The following AMER2 variants were observed in gnomAD, a reference collection of about 807,000 sequenced individuals.
The protein encoded by AMER2 is family with sequence similarity 123A.
AMER2 carries 1 observed loss-of-function variant against 4.7 expected under a neutral mutation model. The observed-to-expected ratio is 0.21, with a 90% CI of 0.07 to 1.00. AMER2 has a LOEUF of 1.00. Among genes scored for constraint, AMER2 ranks in the 50% least tolerant of loss-of-function variants. AMER2 has a pLI of 0.60. For synonymous variants in AMER2, 485 were observed against 433.3 expected (o/e 1.12, Z -1.48); for missense variants, 988 against 966.9 (o/e 1.02, Z -0.29).
chr13:25,170,044 C>A lies in AMER2; in HGVS notation c.1576G>T (p.Asp526Tyr), dbSNP rs1956534210. 2 of 1,613,828 alleles carry A rather than the reference C, an allele frequency of 1.2e-6. No homozygotes were observed. Among genetic ancestry groups the A allele is most frequent in the East Asian group, 4.5e-5 (2 of 44,874 alleles). Residue 526 changes from aspartate to tyrosine, a missense_variant, in exon 1 of 1, where the codon GAC (aspartate) becomes TAC (tyrosine). Coordinates refer to ENST00000515384, the MANE Select transcript of AMER2 (RefSeq NM_152704.4). This position sits in a 1 kb window ranked among gnomAD's most constrained non-coding sequence, Gnocchi z 7.3. The stretch of plus-strand genomic sequence containing the variant: ...TCCTCTGGGCCTGGCGTGGTGGAGT[C>A]CCAGTAGCCCTCGTCGCTGTTGGGG... ...GVPNSDEGYW[D>Y]STTPGPEEDS...
rs763524108 is a variant in AMER2 at position 25,171,661 on chromosome 13, C to T, written c.-42G>A. On this transcript the variant is annotated 5_prime_UTR_variant, in exon 1 of 1. Coordinates refer to ENST00000515384, the MANE Select transcript of AMER2 (RefSeq NM_152704.4). The surrounding 1 kb of genome is among the most constrained non-coding windows in gnomAD (Gnocchi z 5.9). ...AAGCCGCTTTCGTCAGCAGTGGGCTCGCGCCAGGCCACTGTCACCCGTATT... is the reference window on the plus strand; with the variant it reads ...AAGCCGCTTTCGTCAGCAGTGGGCTTGCGCCAGGCCACTGTCACCCGTATT... 1.0e-5 allele frequency: 15 copies of T among 1,436,354 alleles called. No individual in the cohort carries two copies. In the East Asian group the frequency reaches 3.4e-4, roughly 32 times the overall value. 89.0% of individuals were successfully genotyped at this position (1,436,354 alleles called of 1,614,324 possible).
chr13:25,171,743 G>T lies in AMER2; in HGVS notation c.-124C>A, dbSNP rs1235865346. 1.4e-6 allele frequency: 2 copies of T among 1,403,732 alleles called. No individual in the cohort carries two copies. The highest frequency in any genetic ancestry group is 1.8e-6 in the Non-Finnish European group (2 of 1,088,800). 87.0% of individuals were successfully genotyped at this position (1,403,732 alleles called of 1,614,324 possible). The stretch of plus-strand genomic sequence containing the variant: ...CGCTGCAAAAGAAACACACATAAAA[G>T]ACCATCTTCCCTCCCGCAAGGGCTT... On this transcript the variant is annotated 5_prime_UTR_variant, in exon 1 of 1. Coordinates refer to ENST00000515384, the MANE Select transcript of AMER2 (RefSeq NM_152704.4). This position sits in a 1 kb window ranked among gnomAD's most constrained non-coding sequence, Gnocchi z 5.9.
In AMER2 at chr13:25,170,953, C is replaced by A. The variant is rs915118590; in HGVS notation, c.667G>T (p.Gly223Cys). ...EAAEGRAPGG[G>C]LILPGSLTAS... ...GTGAGCGAGCCGGGTAGGATCAAGCCGCCCCCGGGCGCGCGCCCCTCCGCG... is the reference window on the plus strand; with the variant it reads ...GTGAGCGAGCCGGGTAGGATCAAGCAGCCCCCGGGCGCGCGCCCCTCCGCG... The change falls in exon 1 of 1, where the codon GGC becomes TGC. Residue 223 changes from glycine (G) to cysteine (C), a missense_variant. Gly to Cys is a radical substitution (Grantham distance 159). Transcript: ENST00000515384. This position sits in a 1 kb window ranked among gnomAD's most constrained non-coding sequence, Gnocchi z 7.3. The A allele has an allele frequency of 2.0e-6, 3 of 1,532,266 alleles. No individual in the cohort carries two copies. Among genetic ancestry groups the A allele is most frequent in the Non-Finnish European group, 2.6e-6 (3 of 1,143,992 alleles). 94.9% of individuals were successfully genotyped at this position (1,532,266 alleles called of 1,614,324 possible).
chr13:25,170,972 C>A lies in AMER2; in HGVS notation c.648G>T (p.Glu216Asp). 2 of 1,548,744 alleles carry A rather than the reference C, an allele frequency of 1.3e-6. No homozygotes were observed. The highest frequency in any genetic ancestry group is 2.3e-5 in the South Asian group (2 of 85,178). The change falls in exon 1 of 1, where the codon GAG becomes GAT. Residue 216 changes from glutamate (E) to aspartate (D), a missense_variant. Coordinates refer to ENST00000515384, the MANE Select transcript of AMER2 (RefSeq NM_152704.4). This position sits in a 1 kb window ranked among gnomAD's most constrained non-coding sequence, Gnocchi z 7.3. ...KDKRAKAEAA[E>D]GRAPGGGLIL... Reference sequence around the variant, plus strand: ...TCAAGCCGCCCCCGGGCGCGCGCCCCTCCGCGGCCTCCGCCTTGGCCCGCT... The same window carrying A: ...TCAAGCCGCCCCCGGGCGCGCGCCCATCCGCGGCCTCCGCCTTGGCCCGCT...
In AMER2 at chr13:25,164,806, T is replaced by C. The variant is rs1956458532; in HGVS notation, c.*4798A>G. The C allele has an allele frequency of 6.6e-6, 1 of 152,238 alleles. No homozygotes were observed. Among genetic ancestry groups the C allele is most frequent in the African/African-American group, 2.4e-5 (1 of 41,444 alleles). 9.4% of individuals were successfully genotyped at this position (152,238 alleles called of 1,614,324 possible). A position where few individuals can be genotyped will look rare whatever the true frequency, so the allele number is the denominator to read the frequency against. On this transcript the variant is annotated 3_prime_UTR_variant, in exon 1 of 1. Transcript: ENST00000515384. ...AGAGGCATTTGTGTGGCTTAATTCA[T>C]AGTGCCCTTCTTCAACTTCACACCA...
In AMER2 at chr13:25,167,012, T is replaced by C. The variant is rs891495725; in HGVS notation, c.*2592A>G. On this transcript the variant is annotated 3_prime_UTR_variant, in exon 1 of 1. Coordinates refer to ENST00000515384, the MANE Select transcript of AMER2 (RefSeq NM_152704.4). ...AAATTTTAAAAGAAAATATTTTATA[T>C]CTTTTATAACTGGTTAATTGACAGG... The C allele has an allele frequency of 7.9e-5, 12 of 152,174 alleles. No homozygotes were observed. The highest frequency in any genetic ancestry group is 2.9e-4 in the African/African-American group (12 of 41,450). 9.4% of individuals were successfully genotyped at this position (152,174 alleles called of 1,614,324 possible).
rs768193045 is a variant in AMER2 at position 25,171,443 on chromosome 13, C to G, written c.177G>C (p.Pro59=). The change falls in exon 1 of 1, where the codon CCG becomes CCC. Residue 59 remains proline, a synonymous_variant. Transcript: ENST00000515384. This position sits in a 1 kb window ranked among gnomAD's most constrained non-coding sequence, Gnocchi z 5.9. The part of the protein sequence containing the change: ...CAAETPAAEP[P]SGKINKAAFK... ...AGGCAGCTTTATTAATCTTCCCCGACGGCGGCTCGGCGGCCGGCGTTTCGG... is the reference window on the plus strand; with the variant it reads ...AGGCAGCTTTATTAATCTTCCCCGAGGGCGGCTCGGCGGCCGGCGTTTCGG... 6.2e-7 allele frequency: 1 copy of G among 1,611,958 alleles called. No homozygotes were observed. Among genetic ancestry groups the G allele is most frequent in the Non-Finnish European group, 8.5e-7 (1 of 1,179,446 alleles).
Position 25,171,783 on chromosome 13 carries a change from C to T in AMER2, c.-164G>A, listed in dbSNP as rs1956587956. On this transcript the variant is annotated 5_prime_UTR_variant, in exon 1 of 1. Coordinates refer to ENST00000515384, the MANE Select transcript of AMER2 (RefSeq NM_152704.4). The surrounding 1 kb of genome is among the most constrained non-coding windows in gnomAD (Gnocchi z 5.9). ...CGCAAGGGCTTATATAATACCCTAA[C>T]CCACTTCCATCCGACTTGGCTCGGC... is the stretch of plus-strand genomic sequence containing the variant. 2 of 1,309,454 alleles carry T rather than the reference C, an allele frequency of 1.5e-6. No individual in the cohort carries two copies. Among genetic ancestry groups the T allele is most frequent in the Non-Finnish European group, 1.9e-6 (2 of 1,031,168 alleles). 81.1% of individuals were successfully genotyped at this position (1,309,454 alleles called of 1,614,324 possible). A position where few individuals can be genotyped will look rare whatever the true frequency, so the allele number is the denominator to read the frequency against.
Position 25,171,803 on chromosome 13 carries a change from C to T in AMER2, c.-184G>A, listed in dbSNP as rs1465543608. Reference sequence around the variant, plus strand: ...CCTAACCCACTTCCATCCGACTTGGCTCGGCGCTGCATGGCGTTTTTGTGG... The same window carrying T: ...CCTAACCCACTTCCATCCGACTTGGTTCGGCGCTGCATGGCGTTTTTGTGG... On this transcript the variant is annotated 5_prime_UTR_variant, in exon 1 of 1. Coordinates refer to ENST00000515384, the MANE Select transcript of AMER2 (RefSeq NM_152704.4). This position sits in a 1 kb window ranked among gnomAD's most constrained non-coding sequence, Gnocchi z 5.9. The T allele has an allele frequency of 4.8e-6, 6 of 1,254,688 alleles. No individual in the cohort carries two copies. The highest frequency in any genetic ancestry group is 6.1e-6 in the Non-Finnish European group (6 of 986,344). The allele number at this position is 1,254,688 out of a possible 1,614,324, so 77.7% of individuals were successfully genotyped here. A position where few individuals can be genotyped will look rare whatever the true frequency, so the allele number is the denominator to read the frequency against.
rs1431296848 is a variant in AMER2, at chr13:25,165,851, C to G, written c.*3753G>C. 6.6e-6 allele frequency: 1 copy of G among 152,354 alleles called. No individual in the cohort carries two copies. The highest frequency in any genetic ancestry group is 2.1e-4 in the South Asian group (1 of 4,826). The allele number at this position is 152,354 out of a possible 1,614,324, so 9.4% of individuals were successfully genotyped here. A position where few individuals can be genotyped will look rare whatever the true frequency, so the allele number is the denominator to read the frequency against. The stretch of plus-strand genomic sequence containing the variant: ...ACAGCAGGGAATGCATTCCGCCATG[C>G]GGACAGAGCCAACATGCTAGCGTCA... On this transcript the variant is annotated 3_prime_UTR_variant, in exon 1 of 1. Transcript: ENST00000515384.
Position 25,170,798 on chromosome 13 carries a change from G to A in AMER2, c.822C>T (p.Asp274=), listed in dbSNP as rs1956553898. ...CTCGGCAGCTCCGCGCTGGGGCGCG[G>A]TCGGCGGGGGCGGGCACCTCCTCTC... ...AGGEEVPAPA[D]RAPARSCREA... is the part of the protein sequence containing the mutation. Residue 274 remains aspartate (D), a synonymous_variant, in exon 1 of 1, where the codon GAC becomes GAT. Transcript: ENST00000515384. The surrounding 1 kb of genome is among the most constrained non-coding windows in gnomAD (Gnocchi z 7.3). 1 of 1,369,456 alleles carries A rather than the reference G, an allele frequency of 7.3e-7. No homozygotes were observed. Among genetic ancestry groups the A allele is most frequent in the Non-Finnish European group, 9.3e-7 (1 of 1,070,628 alleles). 84.8% of individuals were successfully genotyped at this position (1,369,456 alleles called of 1,614,324 possible). A position where few individuals can be genotyped will look rare whatever the true frequency, so the allele number is the denominator to read the frequency against.
Position 25,171,717 on chromosome 13 carries a change from C to T in AMER2, c.-98G>A. On this transcript the variant is annotated 5_prime_UTR_variant, in exon 1 of 1. Transcript: ENST00000515384. This position sits in a 1 kb window ranked among gnomAD's most constrained non-coding sequence, Gnocchi z 5.9. ...TCAACCTGAGCCGCGCTCGCCGCCG[C>T]CGCTGCAAAAGAAACACACATAAAA... The T allele has an allele frequency of 7.1e-7, 1 of 1,411,658 alleles. No homozygotes were observed. The highest frequency in any genetic ancestry group is 2.8e-5 in the East Asian group (1 of 36,260). 87.4% of individuals were successfully genotyped at this position (1,411,658 alleles called of 1,614,324 possible). A position where few individuals can be genotyped will look rare whatever the true frequency, so the allele number is the denominator to read the frequency against.
At position 25,169,786 on chromosome 13, in the gene AMER2, T is replaced by C. The variant is rs1451266276; in HGVS notation, c.1834A>G (p.Ile612Val). 8.1e-6 allele frequency: 13 copies of C among 1,614,078 alleles called. No homozygotes were observed. Among genetic ancestry groups the C allele is most frequent in the Non-Finnish European group, 1.0e-5 (12 of 1,180,036 alleles). Residue 612 changes from isoleucine to valine, a missense_variant, in exon 1 of 1, where the codon ATC becomes GTC. Coordinates refer to ENST00000515384, the MANE Select transcript of AMER2 (RefSeq NM_152704.4). The surrounding 1 kb of genome is among the most constrained non-coding windows in gnomAD (Gnocchi z 4.2). ...GATGGAAGGTTGGTCAGGTGCTTGA[T>C]GCTAATAGGGATCTTAGAGTCCTTC... ...LLKDSKIPIS[I>V]KHLTNLPSSH...
chr13:25,168,503 G>A lies in AMER2; in HGVS notation c.*1101C>T, dbSNP rs1956505239. On this transcript the variant is annotated 3_prime_UTR_variant, in exon 1 of 1. Coordinates refer to ENST00000515384, the MANE Select transcript of AMER2 (RefSeq NM_152704.4). ...CAAAACAAGGCAGAGCCATTCCTCT[G>A]GGACACCAGCACAATAGATTTTTTT... 6.6e-6 allele frequency: 1 copy of A among 151,464 alleles called. No homozygotes were observed. The highest frequency in any genetic ancestry group is 2.1e-4 in the South Asian group (1 of 4,784). 9.4% of individuals were successfully genotyped at this position (151,464 alleles called of 1,614,324 possible). A position where few individuals can be genotyped will look rare whatever the true frequency, so the allele number is the denominator to read the frequency against.
Position 25,169,505 on chromosome 13 carries a change from A to G in AMER2, c.*99T>C. On this transcript the variant is annotated 3_prime_UTR_variant, in exon 1 of 1. Coordinates refer to ENST00000515384, the MANE Select transcript of AMER2 (RefSeq NM_152704.4). This position sits in a 1 kb window ranked among gnomAD's most constrained non-coding sequence, Gnocchi z 4.2. ...CAGGGCGGGGGACGGGTGGTGTCCT[A>G]AAAGACTTTCTTTAGGAAAAGCAAA... is the stretch of plus-strand genomic sequence containing the variant. 1 of 1,475,320 alleles carries G rather than the reference A, an allele frequency of 6.8e-7. No individual in the cohort carries two copies. Among genetic ancestry groups the G allele is most frequent in the Non-Finnish European group, 9.0e-7 (1 of 1,113,794 alleles). 91.4% of individuals were successfully genotyped at this position (1,475,320 alleles called of 1,614,324 possible).
In AMER2 at chr13:25,170,013, C is replaced by T; in HGVS notation, c.1607G>A (p.Ser536Asn). Residue 536 changes from serine to asparagine, a missense_variant, in exon 1 of 1, where the codon AGC becomes AAC. Physicochemically the swap from Ser to Asn is conservative, Grantham distance 46. Transcript: ENST00000515384. This position sits in a 1 kb window ranked among gnomAD's most constrained non-coding sequence, Gnocchi z 7.3. ...GCCCGCCTTCTTCCCGCTGCTCGAG[C>T]TGTCTTCCTCTGGGCCTGGCGTGGT... The part of the protein sequence containing the change: ...DSTTPGPEED[S>N]SSSGKKAGIP... The T allele has an allele frequency of 6.2e-7, 1 of 1,613,818 alleles. No individual in the cohort carries two copies. The highest frequency in any genetic ancestry group is 8.5e-7 in the Non-Finnish European group (1 of 1,179,872).
rs933561780 is a variant in AMER2, at chr13:25,168,655, T to C, written c.*949A>G. 9 of 152,582 alleles carry C rather than the reference T, an allele frequency of 5.9e-5. No homozygotes were observed. Among genetic ancestry groups the C allele is most frequent in the African/African-American group, 1.7e-4 (7 of 41,450 alleles). The allele number at this position is 152,582 out of a possible 1,614,324, so 9.5% of individuals were successfully genotyped here. On this transcript the variant is annotated 3_prime_UTR_variant, in exon 1 of 1. Coordinates refer to ENST00000515384, the MANE Select transcript of AMER2 (RefSeq NM_152704.4). ...AGCTATAAGACCAGATTTTATATTCTAGATATAGAATTATCCAGAATAATT... is the reference window on the plus strand; with the variant it reads ...AGCTATAAGACCAGATTTTATATTCCAGATATAGAATTATCCAGAATAATT...
In AMER2 at chr13:25,164,134, G is replaced by C. The variant is rs898683996; in HGVS notation, c.*5470C>G. The C allele has an allele frequency of 2.6e-5, 4 of 150,982 alleles. No homozygotes were observed. The highest frequency in any genetic ancestry group is 9.8e-5 in the African/African-American group (4 of 40,986). 9.4% of individuals were successfully genotyped at this position (150,982 alleles called of 1,614,324 possible). On this transcript the variant is annotated 3_prime_UTR_variant, in exon 1 of 1. Transcript: ENST00000515384. ...AAAAAAAAAAAAAAAATTAAAGAGG[G>C]TAGATCTCATATTCAATATTCTTAC...
In AMER2 at chr13:25,171,268, C is replaced by A; in HGVS notation, c.352G>T (p.Gly118Cys). ...GLAEVLVLES[G>C]RKEEPRGGGD... ...CCGCCGCGCGGCTCCTCCTTCCTGC[C>A]GCTCTCCAGCACCAGCACCTCGGCA... Residue 118 changes from glycine to cysteine, a missense_variant, in exon 1 of 1, where the codon GGC (glycine) becomes TGC (cysteine). Physicochemically the swap from Gly to Cys is radical, Grantham distance 159 (BLOSUM62 -3). Transcript: ENST00000515384. The surrounding 1 kb of genome is among the most constrained non-coding windows in gnomAD (Gnocchi z 5.9). 1 of 1,511,742 alleles carries A rather than the reference C, an allele frequency of 6.6e-7. No individual in the cohort carries two copies. The allele number at this position is 1,511,742 out of a possible 1,614,324, so 93.6% of individuals were successfully genotyped here. A position where few individuals can be genotyped will look rare whatever the true frequency, so the allele number is the denominator to read the frequency against.
Sources: allele counts gnomAD v4.1 joint callset, GRCh38; gene constraint gnomAD v4.1.1; non-coding constraint Gnocchi (gnomAD v3.1); transcripts MANE v1.5; gene names NCBI Gene and HGNC (gene_info 2026-07-23, HGNC 2026-07-21).